The following PTPRU variants were observed in gnomAD, a reference collection of about 807,000 sequenced individuals.
PTPRU encodes the protein protein tyrosine phosphatase receptor type U.
In PTPRU, 69 loss-of-function variants were observed where a neutral mutation model predicts 166.3. The observed-to-expected ratio is 0.41, with a 90% CI of 0.34 to 0.51. The LOEUF (loss-of-function observed/expected upper bound fraction) is 0.51, where lower values mean the gene tolerates loss of function less well. PTPRU is among the 20% of genes least tolerant of loss of function. The pLI is 0.09. For missense variants in PTPRU, 1,657 were observed against 2,013.7 expected (o/e 0.82, Z 3.39); for synonymous variants, 793 against 814.0 (o/e 0.97, Z 0.44).
In PTPRU at chr1:29,257,816, G is replaced by A. The variant is rs898776892; in HGVS notation, c.206-689G>A. 9.9e-5 allele frequency among the ~76,000 whole-genome samples: 15 copies of A among 152,122 alleles called. No homozygotes were observed. The highest frequency in any genetic ancestry group is 3.6e-4 in the African/African-American group (15 of 41,388). ...GGAGGCAGAGGGAGGGCTTTGGAAG[G>A]GGTGGCCTTTGAGGGACTGTTGTGT... On this transcript the variant is annotated intron_variant, in intron 2 of 29. Coordinates refer to ENST00000373779, the MANE Select transcript of PTPRU (RefSeq NM_133178.4). The surrounding 1 kb of genome is among the most constrained non-coding windows in gnomAD (Gnocchi z 4.6).
chr1:29,297,490 A>AT lies in PTPRU; in HGVS notation c.2476+5467dup. Among the ~76,000 whole-genome samples the AT allele has an allele frequency of 1.3e-5, 2 of 152,254 alleles. 1 individual carries two copies. The highest frequency in any genetic ancestry group is 6.8e-3 in the Middle Eastern group (2 of 294). On this transcript the variant is annotated intron_variant, in intron 15 of 29. Transcript: ENST00000373779. ...AAATGCAAGTCTTTCTGAATTGCAA[A>AT]TTTGTTTCTACTGCATCATGCTGCA...
intron 1 of PTPRU, among the ~76,000 whole-genome samples, chr1:29,249,486 C>A (rs1376220222): frequency 1.1e-4 from 17 of 152,258 alleles, no homozygotes; most frequent in Non-Finnish European, 1.0e-4. Context: ...TCAGGGAGGC[C>A]TCTGTAGAGA....
In PTPRU at chr1:29,323,618, C is replaced by T. The variant is rs1423648028; in HGVS notation, c.3955-13C>T. 3.7e-6 allele frequency: 6 copies of T among 1,613,602 alleles called. 1 individual carries two copies. Among genetic ancestry groups the T allele is most frequent in the South Asian group, 2.2e-5 (2 of 91,048 alleles). The stretch of plus-strand genomic sequence containing the variant: ...TGCTCATGTCCTCCCTGGCTGGCTG[C>T]CCCTGTCCCCAGTTGCAGGAGGGGC... On this transcript the variant is annotated splice_polypyrimidine_tract_variant and intron_variant, in intron 27 of 29. Transcript: ENST00000373779.
chr1:29,276,798 T>TA (rs1685825811), intron 8 of PTPRU, among the ~76,000 whole-genome samples: 1 of 152,224 alleles, frequency 6.6e-6, no homozygotes, highest in African/African-American at 2.4e-5. Context: ...TTCTATTTTT[T>TA]ATTTCCTTTG....
rs1688108032 is a variant in PTPRU at position 29,320,573 on chromosome 1, G to A, written c.3688-112G>A. On this transcript the variant is annotated intron_variant, in intron 25 of 29. Coordinates refer to ENST00000373779, the MANE Select transcript of PTPRU (RefSeq NM_133178.4). This position sits in a 1 kb window ranked among gnomAD's most constrained non-coding sequence, Gnocchi z 5.2. The stretch of plus-strand genomic sequence containing the variant: ...CACTGGAGGCAGCCTGGTCCTGTGG[G>A]GCACAACCGTCCAACTCAGGGTGGG... 1 of 1,279,310 alleles carries A rather than the reference G, an allele frequency of 7.8e-7. No homozygotes were observed. Among genetic ancestry groups the A allele is most frequent in the Non-Finnish European group, 1.0e-6 (1 of 960,692 alleles). The allele number at this position is 1,279,310 out of a possible 1,614,324, so 79.2% of individuals were successfully genotyped here. A position where few individuals can be genotyped will look rare whatever the true frequency, so the allele number is the denominator to read the frequency against.
At chr1:29,262,043 G>A (rs989489364) in intron 7 of PTPRU, among the ~76,000 whole-genome samples, 2 of 152,038 alleles carry the variant, frequency 1.3e-5, no homozygotes, top group African/African-American at 4.8e-5. Context: ...GTACTTGTTT[G>A]TGTGTGTGTA....
intron 12 of PTPRU, chr1:29,283,655 C>T: frequency 2.1e-6 from 1 of 481,464 alleles, no homozygotes; most frequent in Non-Finnish European, 3.7e-6. Context: ...GACCTCTGGC[C>T]CTAGGCCTCG....
In PTPRU at chr1:29,280,238, C is replaced by T; in HGVS notation, c.1868+97C>T. ...CCATCCCAGGCCAGCTCACCCTTTTCCTCCCTCAGTCTCCCACGCAGGGCT... is the reference window on the plus strand; with the variant it reads ...CCATCCCAGGCCAGCTCACCCTTTTTCTCCCTCAGTCTCCCACGCAGGGCT... On this transcript the variant is annotated intron_variant, in intron 11 of 29. Coordinates refer to ENST00000373779, the MANE Select transcript of PTPRU (RefSeq NM_133178.4). This position sits in a 1 kb window ranked among gnomAD's most constrained non-coding sequence, Gnocchi z 4.2. The T allele has an allele frequency of 8.2e-7, 1 of 1,215,160 alleles. No homozygotes were observed. The highest frequency in any genetic ancestry group is 1.2e-6 in the Non-Finnish European group (1 of 856,582). The allele number at this position is 1,215,160 out of a possible 1,614,324, so 75.3% of individuals were successfully genotyped here.
Position 29,284,067 on chromosome 1 carries a change from G to A in PTPRU, c.2179+91G>A, listed in dbSNP as rs74067304. On this transcript the variant is annotated intron_variant, in intron 13 of 29. Coordinates refer to ENST00000373779, the MANE Select transcript of PTPRU (RefSeq NM_133178.4). ...TGGATCCTGAGGACCTACGGCTGTG[G>A]GAGTAGAGGAGGGTGGTTGGGCAGT... The A allele has an allele frequency of 5.4e-3, 8,181 of 1,510,228 alleles. 262 individuals carry two copies. In the African/African-American group the frequency reaches 0.077, roughly 14 times the overall value. The allele number at this position is 1,510,228 out of a possible 1,614,324, so 93.6% of individuals were successfully genotyped here.
rs145208059 is a variant in PTPRU, at chr1:29,289,983, C to A, written c.2319-1886C>A. Among the ~76,000 whole-genome samples the A allele has an allele frequency of 0.019, 2,832 of 152,334 alleles. 47 individuals are homozygous for A. Among genetic ancestry groups the A allele is most frequent in the Middle Eastern group, 0.031 (9 of 294 alleles). ...CCCTGCTGAGTCACCCCCAGCAAGTCCCTGAGCCTCAATGTCCCCTTCACC... is the reference window on the plus strand; with the variant it reads ...CCCTGCTGAGTCACCCCCAGCAAGTACCTGAGCCTCAATGTCCCCTTCACC... On this transcript the variant is annotated intron_variant, in intron 14 of 29. Transcript: ENST00000373779.
intron 7 of PTPRU, among the ~76,000 whole-genome samples, chr1:29,263,424 T>C (rs1283589431): frequency 6.6e-6 from 1 of 152,238 alleles, no homozygotes; most frequent in Non-Finnish European, 1.5e-5. Flanking sequence ...TTGATGGAAA[T>C]TGGGGTTGTT....
intron 15 of PTPRU, among the ~76,000 whole-genome samples, chr1:29,294,250 T>C (rs993785642): frequency 1.3e-5 from 2 of 152,246 alleles, no homozygotes; most frequent in African/African-American, 2.4e-5. Context: ...CCAGCCTTTT[T>C]CACTTCTGCC....
chr1:29,277,803 C>CTTTTTTTTTTTTTTTTTTTTTTTTT lies in PTPRU; in HGVS notation c.1454-1200_1454-1176dup, dbSNP rs71586898. On this transcript the variant is annotated intron_variant, in intron 8 of 29. Transcript: ENST00000373779. ...ACCATCTGGCTTCACAGTTGTCATT[C>CTTTTTTTTTTTTTTTTTTTTTTTTT]TTTTTTTTTTTTTTTTTTTTTTTTT... 1.4e-4 allele frequency among the ~76,000 whole-genome samples: 7 copies of CTTTTTTTTTTTTTTTTTTTTTTTTT among 50,590 alleles called. 1 individual carries two copies. The highest frequency in any genetic ancestry group is 2.7e-4 in the African/African-American group (3 of 10,910). 33.2% of individuals were successfully genotyped at this position (50,590 alleles called of 152,430 possible).
intron 7 of PTPRU, among the ~76,000 whole-genome samples, chr1:29,270,877 G>A (rs1317081918): frequency 6.6e-6 from 1 of 152,186 alleles, no homozygotes; most frequent in African/African-American, 2.4e-5. Context: ...GGTGAGGTGG[G>A]AGGATTGAGA....
In PTPRU at chr1:29,282,864, A is replaced by G; in HGVS notation, c.2057A>G (p.Gln686Arg). The G allele has an allele frequency of 6.2e-7, 1 of 1,614,124 alleles. No individual in the cohort carries two copies. Among genetic ancestry groups the G allele is most frequent in the Non-Finnish European group, 8.5e-7 (1 of 1,179,996 alleles). ...ATGCCCTTTACCGTGGGTGACAACC[A>G]GACCTACCGAGGCTTCTGGAACCCA... ...EAMPFTVGDN[Q>R]TYRGFWNPPL... Residue 686 changes from glutamine to arginine, a missense_variant, in exon 12 of 30, where the codon CAG becomes CGG. By Grantham distance (43) the Gln-to-Arg change is conservative. Transcript: ENST00000373779.
chr1:29,305,500 G>T (rs1383859072), intron 18 of PTPRU, 72 bp downstream of exon 18: 2 of 1,463,788 alleles, frequency 1.4e-6, no homozygotes, highest in African/African-American at 2.8e-5. Flanking sequence ...AGGCAGGGCA[G>T]AAACCTGTCG....
intron 15 of PTPRU, among the ~76,000 whole-genome samples, chr1:29,293,678 G>A (rs961892640): frequency 6.6e-6 from 1 of 150,888 alleles, no homozygotes; most frequent in South Asian, 2.1e-4. Flanking sequence ...ATTTCACCGT[G>A]TTAGCCAGGA....
chr1:29,282,169 T>C (rs1686108013), intron 11 of PTPRU, among the ~76,000 whole-genome samples: 1 of 152,232 alleles, frequency 6.6e-6, no homozygotes, highest in African/African-American at 2.4e-5. Context: ...TTGCCTAGTG[T>C]ATAGCACAGG....
Position 29,258,578 on chromosome 1 carries a change from C to A in PTPRU, c.279C>A (p.Ser93Arg). The change falls in exon 3 of 30, where the codon AGC (serine) becomes AGA (arginine). Residue 93 changes from serine (S) to arginine (R), a missense_variant. By Grantham distance (110) the Ser-to-Arg change is moderately radical (BLOSUM62 -1). Transcript: ENST00000373779. ...QRAHVIFQSL[S>R]ENDTHCVQFS... Reference sequence around the variant, plus strand: ...CCCATGTCATCTTCCAGAGCCTGAGCGAGAATGATACCCACTGTGTGCAGT... The same window carrying A: ...CCCATGTCATCTTCCAGAGCCTGAGAGAGAATGATACCCACTGTGTGCAGT... The A allele has an allele frequency of 6.2e-7, 1 of 1,614,252 alleles. No individual in the cohort carries two copies. The highest frequency in any genetic ancestry group is 1.3e-5 in the African/African-American group (1 of 75,074).
Sources: gnomAD v4.1 joint callset for allele counts (sites outside exome capture counted in the v4.1 genomes callset) on GRCh38, gnomAD v4.1.1 for gene constraint, Gnocchi (gnomAD v3.1) non-coding constraint, MANE v1.5 for transcripts, NCBI Gene and HGNC (gene_info 2026-07-23, HGNC 2026-07-21) for gene names.